CYTH1: variants seen among roughly 807,000 people sequenced by gnomAD.
CYTH1 encodes the protein cytohesin 1.
A neutral mutation model predicts 61.8 loss-of-function variants in CYTH1; 18 were observed. The ratio of observed to expected loss-of-function variants is 0.29; its 90% confidence interval spans 0.20 to 0.43. CYTH1 has a LOEUF of 0.43. Among genes scored for constraint, CYTH1 ranks in the 20% least tolerant of loss-of-function variants. The pLI, the probability that CYTH1 is intolerant of heterozygous loss-of-function variation, is 1.00. For missense variants in CYTH1, 336 were observed against 510.5 expected (o/e 0.66, Z 3.29); for synonymous variants, 174 against 184.3 (o/e 0.94, Z 0.45).
chr17:78,681,065 AAGTTTAAGATCAC>A, intron 11 of CYTH1, 23 bp from the exon 12 acceptor site: 1 of 1,609,732 alleles, frequency 6.2e-7, no homozygotes, highest in Non-Finnish European at 8.5e-7. Flanking sequence ...TGAAGAGAGG[AAGTTTAAGATCAC>A]AGTTTAAGGA....
intron 11 of CYTH1, 107 bp from the exon 12 acceptor site, chr17:78,681,149 A>G (rs1166327304): frequency 2.7e-5 from 30 of 1,099,010 alleles, no homozygotes; most frequent in Non-Finnish European, 3.7e-5. Flanking sequence ...CTCCCAGGAC[A>G]TGAAGTTCAT....
chr17:78,760,335 C>T (rs1199945319), intron 1 of CYTH1, among the ~76,000 whole-genome samples: 2 of 133,440 alleles, frequency 1.5e-5, no homozygotes, highest in African/African-American at 2.8e-5. Context: ...TTAATTCTGG[C>T]CTCTATCCAA....
rs1023439654 is a variant in CYTH1 at position 78,675,992 on chromosome 17, G to C, written c.*99C>G. The C allele has an allele frequency of 2.8e-5, 43 of 1,550,112 alleles. No individual in the cohort carries two copies. Among genetic ancestry groups the C allele is most frequent in the Middle Eastern group, 3.4e-4 (2 of 5,958 alleles). On this transcript the variant is annotated 3_prime_UTR_variant, in exon 14 of 14. Transcript: ENST00000446868. ...TCTCTAGGAATCCAGGGCGGGGCCTGGCAGAGGACGCTCTGCTCGGCAGCA... is the reference window on the plus strand; with the variant it reads ...TCTCTAGGAATCCAGGGCGGGGCCTCGCAGAGGACGCTCTGCTCGGCAGCA...
At chr17:78,729,451 T>C (rs750448359) in intron 1 of CYTH1, among the ~76,000 whole-genome samples, 10 of 152,188 alleles carry the variant, frequency 6.6e-5, no homozygotes, top group Non-Finnish European at 1.3e-4. Flanking sequence ...AACATACCAT[T>C]TTCCATTAGT....
rs994575525 is a variant in CYTH1 at position 78,680,165 on chromosome 17, C to T, written c.1118+25G>A. 5.0e-6 allele frequency: 8 copies of T among 1,613,446 alleles called. No homozygotes were observed. The African/African-American group carries it at 9.3e-5, about 19-fold the overall frequency. On this transcript the variant is annotated intron_variant, in intron 13 of 13. Coordinates refer to ENST00000446868, the MANE Select transcript of CYTH1 (RefSeq NM_004762.6). ...AGGTGAGGGCTGCACCAGGCGCGCA[C>T]TGCCCTTTCTCAGCAGTCACTTACT...
chr17:78,767,819 G>T (rs1231861469), intron 1 of CYTH1, among the ~76,000 whole-genome samples: 1 of 152,100 alleles, frequency 6.6e-6, no homozygotes, highest in African/African-American at 2.4e-5. Flanking sequence ...GGATATCCAA[G>T]GGGAAATGTG....
intron 1 of CYTH1, among the ~76,000 whole-genome samples, chr17:78,726,734 CT>C (rs1225493422): frequency 6.6e-6 from 1 of 152,032 alleles, no homozygotes; most frequent in Non-Finnish European, 1.5e-5. Flanking sequence ...GGATTCTATT[CT>C]GCTGTTGAGT....
chr17:78,747,041 A>G (rs1233367778), intron 1 of CYTH1, among the ~76,000 whole-genome samples: 2 of 151,548 alleles, frequency 1.3e-5, no homozygotes, highest in Non-Finnish European at 1.5e-5. Context: ...AACTGTGCCA[A>G]GCACTATGTT....
At chr17:78,730,975 T>C (rs2093291209) in intron 1 of CYTH1, among the ~76,000 whole-genome samples, 1 of 152,182 alleles carries the variant, frequency 6.6e-6, no homozygotes, top group Admixed American at 6.5e-5. Flanking sequence ...GAAATTATCT[T>C]CTTAAGGAAG....
intron 1 of CYTH1, among the ~76,000 whole-genome samples, chr17:78,751,291 A>G (rs2093379238): frequency 6.6e-6 from 1 of 152,096 alleles, no homozygotes. Context: ...CTGTTGATTC[A>G]TTAACATTGA....
rs2093187507 is a variant in CYTH1, at chr17:78,717,111, T to A, written c.23-7379A>T. 6.6e-6 allele frequency: 1 copy of A among 152,468 alleles called. No homozygotes were observed. The highest frequency in any genetic ancestry group is 2.4e-5 in the African/African-American group (1 of 41,474). 9.4% of individuals were successfully genotyped at this position (152,468 alleles called of 1,614,324 possible). The stretch of plus-strand genomic sequence containing the variant: ...CTGCCACGTGCTGCAGCCATGCTTA[T>A]GTGCCAGGGAGGCGGTGTGCCAGGG... On this transcript the variant is annotated intron_variant, in intron 1 of 13. Coordinates refer to ENST00000446868, the MANE Select transcript of CYTH1 (RefSeq NM_004762.6). The surrounding 1 kb of genome is among the most constrained non-coding windows in gnomAD (Gnocchi z 4.4).
intron 3 of CYTH1, among the ~76,000 whole-genome samples, chr17:78,703,847 G>A (rs775597702): frequency 1.7e-4 from 26 of 152,176 alleles, no homozygotes; most frequent in Non-Finnish European, 3.2e-4. Context: ...TGGACACTTA[G>A]GCTGTTTACA....
At chr17:78,689,825 G>A (rs1486918799) in intron 11 of CYTH1, among the ~76,000 whole-genome samples, 1 of 152,030 alleles carries the variant, frequency 6.6e-6, no homozygotes, top group Non-Finnish European at 1.5e-5. Flanking sequence ...TGATCAGGGA[G>A]GAAAAAATAA....
intron 1 of CYTH1, among the ~76,000 whole-genome samples, chr17:78,749,474 A>G (rs992920358): frequency 5.3e-5 from 8 of 151,944 alleles, no homozygotes; most frequent in Admixed American, 1.3e-4. Flanking sequence ...ACAAAAAAAA[A>G]TTTAAAAATT....
chr17:78,725,673 G>C (rs1389584781), intron 1 of CYTH1, among the ~76,000 whole-genome samples: 1 of 152,186 alleles, frequency 6.6e-6, no homozygotes, highest in Non-Finnish European at 1.5e-5. Context: ...TACGCCGACA[G>C]AGTGGATCAC....
intron 1 of CYTH1, among the ~76,000 whole-genome samples, chr17:78,713,952 A>C (rs2093159213): frequency 6.6e-6 from 1 of 152,206 alleles, no homozygotes; most frequent in Admixed American, 6.5e-5. Context: ...TAAATTCAAA[A>C]TGCCCTTCTA....
At chr17:78,729,256 T>G (rs2093281434) in intron 1 of CYTH1, among the ~76,000 whole-genome samples, 1 of 151,988 alleles carries the variant, frequency 6.6e-6, no homozygotes. Flanking sequence ...TATAAGTATG[T>G]GCCACACCTG....
At chr17:78,686,085 A>G (rs528210027) in intron 11 of CYTH1, among the ~76,000 whole-genome samples, 1 of 152,240 alleles carries the variant, frequency 6.6e-6, no homozygotes, top group South Asian at 2.1e-4. Flanking sequence ...TGTATCTTTG[A>G]TTCTGCAGAC....
intron 1 of CYTH1, among the ~76,000 whole-genome samples, chr17:78,735,111 C>G (rs776854956): frequency 2.6e-5 from 4 of 152,182 alleles, no homozygotes; most frequent in African/African-American, 9.7e-5. Flanking sequence ...GTAAGGGAAG[C>G]GAAGAAGCAC....
Sources: allele counts gnomAD v4.1 joint callset (sites outside exome capture counted in the v4.1 genomes callset), GRCh38; gene constraint gnomAD v4.1.1; non-coding constraint Gnocchi (gnomAD v3.1); transcripts MANE v1.5; gene names NCBI Gene and HGNC (gene_info 2026-07-23, HGNC 2026-07-21).